The following SFMBT2 variants were observed in gnomAD, a reference collection of about 807,000 sequenced individuals.
The protein encoded by SFMBT2 is scm-like with four MBT domains protein 2.
In SFMBT2, 38 loss-of-function variants were observed where a neutral mutation model predicts 110.1. The observed-to-expected ratio is 0.35, with a 90% confidence interval of 0.27 to 0.45. The LOEUF (loss-of-function observed/expected upper bound fraction) is 0.45. Ranked by LOEUF, SFMBT2 falls within the 20% of genes least tolerant of loss-of-function variation. The pLI is 1.00. For synonymous variants in SFMBT2, 425 were observed against 425.4 expected, an observed-to-expected ratio of 1.00 and a Z score of 0.01; for missense variants, 1,011 against 1,094.9, an observed-to-expected ratio of 0.92 and a Z score of 1.08.
rs879373082 is a variant in SFMBT2 at position 7,228,776 on chromosome 10, CT to C, written c.1121-840del. Among the ~76,000 whole-genome samples, 395 of 133,812 alleles carry C rather than the reference CT, an allele frequency of 3.0e-3. 7 individuals carry two copies. The highest frequency in any genetic ancestry group is 5.0e-3 in the Non-Finnish European group (295 of 58,830). The allele number at this position is 133,812 out of a possible 152,430, so 87.8% of individuals were successfully genotyped here. On this transcript the variant is annotated intron_variant, in intron 9 of 20. Transcript: ENST00000397167. Reference sequence around the variant, plus strand: ...TCTCTCTCTCTCTCTCTCTCTCTCTCTCTCTCCCCCTCCCTCTCTCTCTCTC... The same window carrying C: ...TCTCTCTCTCTCTCTCTCTCTCTCTCCTCTCCCCCTCCCTCTCTCTCTCTC...
intron 4 of SFMBT2, among the ~76,000 whole-genome samples, chr10:7,286,176 C>G (rs1842081698): frequency 6.6e-6 from 1 of 152,130 alleles, no homozygotes; most frequent in African/African-American, 2.4e-5. Flanking sequence ...GCTTGGGCAC[C>G]AAGGAGATGA....
At chr10:7,362,929 C>G (rs1248646940) in intron 4 of SFMBT2, among the ~76,000 whole-genome samples, 1 of 152,222 alleles carries the variant, frequency 6.6e-6, no homozygotes, top group Non-Finnish European at 1.5e-5. Context: ...AACTCCATTC[C>G]TCGTGCATTA....
chr10:7,273,616 C>T (rs1841675876), intron 7 of SFMBT2, among the ~76,000 whole-genome samples: 1 of 152,214 alleles, frequency 6.6e-6, no homozygotes, highest in Admixed American at 6.5e-5. Flanking sequence ...AATGCTATCC[C>T]TCCCCACACC....
At chr10:7,327,869 C>A (rs1224376929) in intron 4 of SFMBT2, among the ~76,000 whole-genome samples, 1 of 152,162 alleles carries the variant, frequency 6.6e-6, no homozygotes, top group Non-Finnish European at 1.5e-5. Flanking sequence ...CCATTCACTG[C>A]TTAAAGACAC....
chr10:7,314,489 A>G (rs1478071088), intron 4 of SFMBT2, among the ~76,000 whole-genome samples: 6 of 152,228 alleles, frequency 3.9e-5, no homozygotes. Flanking sequence ...TTTCTTAACG[A>G]TCACATGATC....
At chr10:7,243,442 C>T in intron 9 of SFMBT2, 116 bp downstream of exon 9, 1 of 701,776 alleles carries the variant, frequency 1.4e-6, no homozygotes, top group South Asian at 1.9e-5. Context: ...CCTATTTCTA[C>T]TACATCTAAA....
intron 7 of SFMBT2, among the ~76,000 whole-genome samples, chr10:7,252,126 C>A (rs1051062767): frequency 6.6e-6 from 1 of 152,190 alleles, no homozygotes; most frequent in Non-Finnish European, 1.5e-5. Context: ...TGACCTTGAC[C>A]GCTGACTTGG....
rs149129852 is a variant in SFMBT2 at position 7,196,853 on chromosome 10, A to G, written c.1698+695T>C. ...ATTCCAAATTTCCAATCTGTCTCCA[A>G]GCACTGTCTGAGGCTATGCTAGAAA... On this transcript the variant is annotated intron_variant, in intron 15 of 20. Transcript: ENST00000397167. Among the ~76,000 whole-genome samples the G allele has an allele frequency of 2.0e-3, 308 of 152,324 alleles. 1 individual carries two copies. The highest frequency in any genetic ancestry group is 6.9e-3 in the African/African-American group (285 of 41,566).
chr10:7,344,228 G>A (rs577524340), intron 4 of SFMBT2, among the ~76,000 whole-genome samples: 11 of 152,280 alleles, frequency 7.2e-5, no homozygotes, highest in East Asian at 3.9e-4. Flanking sequence ...GGTGAGTTCC[G>A]TGTGGGTGGA....
chr10:7,231,170 C>T (rs532450921), intron 9 of SFMBT2, among the ~76,000 whole-genome samples: 10 of 152,176 alleles, frequency 6.6e-5, no homozygotes, highest in Non-Finnish European at 1.5e-4. Flanking sequence ...AGAAGACTCA[C>T]GACTCCATCT....
At chr10:7,389,684 C>T (rs1384672090) in intron 1 of SFMBT2, among the ~76,000 whole-genome samples, 1 of 152,194 alleles carries the variant, frequency 6.6e-6, no homozygotes, top group Non-Finnish European at 1.5e-5. Context: ...AGCTATGTGG[C>T]TGTGTGACAT....
intron 14 of SFMBT2, among the ~76,000 whole-genome samples, chr10:7,198,476 T>C (rs1042446953): frequency 6.6e-6 from 1 of 152,176 alleles, no homozygotes; most frequent in Admixed American, 6.5e-5. Context: ...TTACTAGACA[T>C]GGCCACGCCA....
At chr10:7,341,224 C>A (rs567119885) in intron 4 of SFMBT2, among the ~76,000 whole-genome samples, 24 of 152,302 alleles carry the variant, frequency 1.6e-4, no homozygotes, top group African/African-American at 5.8e-4. Context: ...CGGGAACGTT[C>A]CTGTTGTGGA....
chr10:7,270,978 T>C (rs994937359), intron 7 of SFMBT2, among the ~76,000 whole-genome samples: 2 of 152,150 alleles, frequency 1.3e-5, no homozygotes, highest in Non-Finnish European at 2.9e-5. Context: ...TTAATCTATA[T>C]ATGAACTCAA....
At chr10:7,186,968 G>C (rs1355551676) in intron 16 of SFMBT2, among the ~76,000 whole-genome samples, 2 of 152,200 alleles carry the variant, frequency 1.3e-5, no homozygotes, top group Admixed American at 1.3e-4. Flanking sequence ...TGTCATATTT[G>C]ATATAATAGG....
chr10:7,276,344 T>G (rs1841774445), intron 7 of SFMBT2, among the ~76,000 whole-genome samples: 1 of 152,214 alleles, frequency 6.6e-6, no homozygotes, highest in Non-Finnish European at 1.5e-5. Context: ...GGTGAAAATA[T>G]TTCCATAACA....
At chr10:7,182,908 G>C (rs1838285965) in intron 16 of SFMBT2, among the ~76,000 whole-genome samples, 1 of 151,768 alleles carries the variant, frequency 6.6e-6, no homozygotes, top group African/African-American at 2.4e-5. Flanking sequence ...AAAAGCATGA[G>C]ATAATGCTTT....
intron 10 of SFMBT2, among the ~76,000 whole-genome samples, chr10:7,224,354 G>C (rs1188275591): frequency 1.3e-5 from 2 of 152,092 alleles, no homozygotes; most frequent in Non-Finnish European, 2.9e-5. Flanking sequence ...TAAAAACATA[G>C]ACAGAATTTA....
At chr10:7,226,121 G>A (rs80144175) in intron 10 of SFMBT2, among the ~76,000 whole-genome samples, 18,345 of 152,188 alleles carry the variant, frequency 0.12, 1,371 homozygotes, top group African/African-American at 0.22. Context: ...CGGAGAGCCC[G>A]GACTGGGAAC....
Sources: allele counts gnomAD v4.1 joint callset (sites outside exome capture counted in the v4.1 genomes callset), GRCh38; gene constraint gnomAD v4.1.1; transcripts MANE v1.5; gene names NCBI Gene and HGNC (gene_info 2026-07-23, HGNC 2026-07-21).